NFIA: variants seen among roughly 807,000 people sequenced by gnomAD.
NFIA encodes the protein nuclear factor I A, also known as nuclear factor 1 A-type.
A neutral mutation model predicts 62.8 loss-of-function variants in NFIA; 8 were observed. The observed-to-expected ratio is 0.13, with a 90% confidence interval of 0.07 to 0.23. The LOEUF is 0.23. NFIA is among the 10% of genes least tolerant of loss of function. NFIA has a pLI of 1.00. For synonymous variants in NFIA, 235 were observed against 238.1 expected, an observed-to-expected ratio of 0.99 and a Z score of 0.12; for missense variants, 410 against 642.1, an observed-to-expected ratio of 0.64 and a Z score of 3.91.
chr1:61,161,269 T>A (rs1231263639), intron 2 of NFIA, among the ~76,000 whole-genome samples: 1 of 152,184 alleles, frequency 6.6e-6, no homozygotes, highest in Admixed American at 6.5e-5. Context: ...CTGCAGTTTT[T>A]GTTTGTTAGT....
At chr1:61,350,482 A>G (rs1308523600) in intron 4 of NFIA, among the ~76,000 whole-genome samples, 2 of 152,130 alleles carry the variant, frequency 1.3e-5, no homozygotes, top group East Asian at 3.9e-4. Context: ...GAAATTTTTA[A>G]AAAATTAGCC....
chr1:61,092,197 T>G (rs1422984008), intron 2 of NFIA, among the ~76,000 whole-genome samples: 1 of 152,196 alleles, frequency 6.6e-6, no homozygotes, highest in Non-Finnish European at 1.5e-5. Flanking sequence ...ATCTTCACTT[T>G]TTGCAGATGA....
At chr1:61,338,541 T>C (rs1438734972) in intron 4 of NFIA, among the ~76,000 whole-genome samples, 1 of 152,248 alleles carries the variant, frequency 6.6e-6, no homozygotes, top group African/African-American at 2.4e-5. Context: ...AGTACCCATA[T>C]TCAGATGCTT....
At chr1:61,298,957 C>G (rs1659344152) in intron 3 of NFIA, among the ~76,000 whole-genome samples, 1 of 152,192 alleles carries the variant, frequency 6.6e-6, no homozygotes, top group African/African-American at 2.4e-5. Flanking sequence ...GTCATCCTAA[C>G]ATACTGCTCA....
chr1:61,254,441 AGCATGTGTTAAACATCACTG>A (rs1204921445), intron 2 of NFIA, among the ~76,000 whole-genome samples: 1 of 152,236 alleles, frequency 6.6e-6, no homozygotes, highest in Non-Finnish European at 1.5e-5. Context: ...CAACTCTAGA[AGCATGTGTTAAACATCACTG>A]GCACTGCCCT....
At chr1:61,371,038 G>A (rs1353114650) in intron 6 of NFIA, among the ~76,000 whole-genome samples, 3 of 152,068 alleles carry the variant, frequency 2.0e-5, no homozygotes, top group Non-Finnish European at 4.4e-5. Flanking sequence ...GTGAATTCTA[G>A]GATAGCAGGA....
chr1:61,329,875 TAGAC>T (rs1229995867), intron 3 of NFIA, among the ~76,000 whole-genome samples: 1 of 152,136 alleles, frequency 6.6e-6, no homozygotes, highest in Non-Finnish European at 1.5e-5. Flanking sequence ...AGAGAGATGA[TAGAC>T]AGCACAGTTA....
At chr1:61,207,856 G>A (rs1487240446) in intron 2 of NFIA, among the ~76,000 whole-genome samples, 2 of 151,808 alleles carry the variant, frequency 1.3e-5, no homozygotes, top group Admixed American at 6.6e-5. Flanking sequence ...CATCCCATGA[G>A]TTACCATTTT....
chr1:61,351,510 A>G (rs948860340), intron 4 of NFIA, among the ~76,000 whole-genome samples: 14 of 152,216 alleles, frequency 9.2e-5, no homozygotes, highest in African/African-American at 3.4e-4. Flanking sequence ...CTGCTTTGAC[A>G]TAACCTTTCA....
At chr1:61,213,487 T>C (rs760215795) in intron 2 of NFIA, among the ~76,000 whole-genome samples, 5 of 152,196 alleles carry the variant, frequency 3.3e-5, no homozygotes, top group South Asian at 2.1e-4. Context: ...TGTTTTCCTC[T>C]CTGGCAGATG....
chr1:61,295,613 G>A (rs1659151040), intron 3 of NFIA, among the ~76,000 whole-genome samples: 2 of 152,162 alleles, frequency 1.3e-5, no homozygotes, highest in African/African-American at 2.4e-5. Context: ...GCTGTGAAAC[G>A]CTTTAAGAAC....
chr1:61,238,437 A>C (rs1246699049), intron 2 of NFIA, among the ~76,000 whole-genome samples: 2 of 152,196 alleles, frequency 1.3e-5, no homozygotes, highest in Non-Finnish European at 2.9e-5. Flanking sequence ...TCGGAAAAGA[A>C]AATTATATGT....
intron 7 of NFIA, among the ~76,000 whole-genome samples, chr1:61,391,439 C>G (rs1300520684): frequency 3.1e-5 from 1 of 31,988 alleles, no homozygotes; most frequent in Non-Finnish European, 5.7e-5. Flanking sequence ...GAATCAAACA[C>G]ACACACACAC....
chr1:61,236,687 T>C (rs1293033466), intron 2 of NFIA, among the ~76,000 whole-genome samples: 3 of 152,140 alleles, frequency 2.0e-5, no homozygotes, highest in Non-Finnish European at 4.4e-5. Flanking sequence ...TGCAACTTCT[T>C]TCTTTTCCTT....
At chr1:61,250,949 G>A (rs926818183) in intron 2 of NFIA, 2 of 152,066 alleles carry the variant, frequency 1.3e-5, no homozygotes, top group Non-Finnish European at 2.9e-5. Flanking sequence ...CTTTCTTACT[G>A]TTTTGTTTTT....
chr1:61,357,696 T>C (rs1455360302), intron 5 of NFIA, among the ~76,000 whole-genome samples: 3 of 152,122 alleles, frequency 2.0e-5, no homozygotes, highest in Non-Finnish European at 2.9e-5. Context: ...CCTCTCTGTC[T>C]CCATGTCTGA....
intron 2 of NFIA, among the ~76,000 whole-genome samples, chr1:61,265,129 ATAGAT>A (rs1295056491): frequency 3.3e-5 from 5 of 152,216 alleles, no homozygotes; most frequent in African/African-American, 1.2e-4. Flanking sequence ...AGCTTTGGTT[ATAGAT>A]TAAAGTTCAC....
At chr1:61,375,097 A>G (rs1345332738) in intron 6 of NFIA, among the ~76,000 whole-genome samples, 1 of 152,184 alleles carries the variant, frequency 6.6e-6, no homozygotes, top group Non-Finnish European at 1.5e-5. Context: ...TTTATTTGGC[A>G]TCATGGTTAG....
chr1:61,424,962 A>G (rs1398769355), intron 9 of NFIA, among the ~76,000 whole-genome samples: 2 of 152,266 alleles, frequency 1.3e-5, no homozygotes, highest in African/African-American at 4.8e-5. Context: ...AGACAAAATC[A>G]GTAGATTTAC....
Sources: gnomAD v4.1 joint callset for allele counts (sites outside exome capture counted in the v4.1 genomes callset) on GRCh38, gnomAD v4.1.1 for gene constraint, MANE v1.5 for transcripts, NCBI Gene and HGNC (gene_info 2026-07-23, HGNC 2026-07-21) for gene names.